Variants in ZNF329 observed in about 807,000 individuals in gnomAD.
ZNF329 encodes the protein zinc finger protein 329.
ZNF329 carries 15 observed loss-of-function variants against 26.6 expected under a neutral mutation model. The observed-to-expected ratio is 0.56, with a 90% confidence interval of 0.38 to 0.87. The LOEUF (loss-of-function observed/expected upper bound fraction) is 0.87, where lower values mean the gene tolerates loss of function less well. ZNF329 is among the 40% of genes least tolerant of loss of function. The probability of loss-of-function intolerance (pLI) is 0.00; values close to 1 mark genes in which losing one functional copy is unlikely to be tolerated. For missense variants in ZNF329, 651 were observed against 651.9 expected, an observed-to-expected ratio of 1.00 and a Z score of 0.02; for synonymous variants, 239 against 233.5, an observed-to-expected ratio of 1.02 and a Z score of -0.21.
At chr19:58,133,573 C>CAAA (rs550883483) in intron 3 of ZNF329, among the ~76,000 whole-genome samples, 10 of 130,958 alleles carry the variant, frequency 7.6e-5, no homozygotes, top group African/African-American at 2.8e-4. Flanking sequence ...GAGACTGTCT[C>CAAA]AAAAAAAAAA....
At chr19:58,129,557 C>T in intron 3 of ZNF329, 46 bp from the exon 4 acceptor site, 1 of 1,481,774 alleles carries the variant, frequency 6.7e-7, no homozygotes, top group East Asian at 2.3e-5. Context: ...GAAGCTTTAT[C>T]TGTAAGAGAA....
At chr19:58,130,438 C>T (rs924528150) in intron 3 of ZNF329, among the ~76,000 whole-genome samples, 9 of 151,530 alleles carry the variant, frequency 5.9e-5, no homozygotes, top group East Asian at 2.0e-4. Context: ...TTTGGGAGGC[C>T]GAGGTGGGCA....
intron 3 of ZNF329, among the ~76,000 whole-genome samples, chr19:58,130,312 GACTCCATCTCAAAA>G: frequency 6.6e-6 from 1 of 151,990 alleles, no homozygotes; most frequent in Non-Finnish European, 1.5e-5. Flanking sequence ...GGCAGAGTGA[GACTCCATCTCAAAA>G]AACAAAACAA....
intron 3 of ZNF329, among the ~76,000 whole-genome samples, chr19:58,142,156 T>C (rs1267788570): frequency 1.3e-5 from 2 of 152,182 alleles, no homozygotes; most frequent in African/African-American, 4.8e-5. Flanking sequence ...TGCAGGCTAT[T>C]TATATGAAAT....
At chr19:58,147,804 C>T (rs1254668128) in intron 1 of ZNF329, among the ~76,000 whole-genome samples, 1 of 146,694 alleles carries the variant, frequency 6.8e-6, no homozygotes, top group South Asian at 2.1e-4. Flanking sequence ...CCAGCCGCCC[C>T]GTCCGGGAGG....
At chr19:58,154,578 C>T (rs974798041), upstream of ZNF329, among the ~76,000 whole-genome samples, 2 of 152,340 alleles carry the variant, frequency 1.3e-5, no homozygotes, top group Middle Eastern at 3.4e-3. Flanking sequence ...TTCCCCAGGG[C>T]TCACATTCCA....
At chr19:58,152,075 C>T (rs2075465218), upstream of ZNF329, among the ~76,000 whole-genome samples, 3 of 152,114 alleles carry the variant, frequency 2.0e-5, no homozygotes, top group Admixed American at 2.0e-4. Flanking sequence ...AATTGTCACT[C>T]ACAATAGTGA....
chr19:58,142,544 C>G lies in ZNF329; in HGVS notation c.-9+13G>C, dbSNP rs1385206368. On this transcript the variant is annotated intron_variant, in intron 3 of 3. Transcript: ENST00000598312. ...TGCTGAGCTCATGTAGACTTCCATTCCCTGGTACTCACCTCTGAAAGGCAG... is the reference window on the plus strand; with the variant it reads ...TGCTGAGCTCATGTAGACTTCCATTGCCTGGTACTCACCTCTGAAAGGCAG... 6.6e-6 allele frequency: 1 copy of G among 152,622 alleles called. No individual in the cohort carries two copies. Among genetic ancestry groups the G allele is most frequent in the East Asian group, 1.9e-4 (1 of 5,190 alleles). 9.5% of individuals were successfully genotyped at this position (152,622 alleles called of 1,614,324 possible).
At chr19:58,133,064 A>G (rs996258318) in intron 3 of ZNF329, among the ~76,000 whole-genome samples, 27 of 152,170 alleles carry the variant, frequency 1.8e-4, no homozygotes, top group Non-Finnish European at 3.1e-4. Flanking sequence ...CGCCCGCCTC[A>G]GCCTCCCAGA....
At chr19:58,151,376 G>T (rs1451407170), upstream of ZNF329, among the ~76,000 whole-genome samples, 1 of 152,036 alleles carries the variant, frequency 6.6e-6, no homozygotes, top group Non-Finnish European at 1.5e-5. Context: ...AAACGGACTG[G>T]GCTCACCTAA....
At chr19:58,137,568 C>T (rs1442032038) in intron 3 of ZNF329, among the ~76,000 whole-genome samples, 1 of 150,362 alleles carries the variant, frequency 6.7e-6, no homozygotes, top group African/African-American at 2.4e-5. Flanking sequence ...AAAAAAAAAT[C>T]GCAGCAGAAA....
chr19:58,145,831 C>A (rs1197180074), intron 1 of ZNF329, among the ~76,000 whole-genome samples: 4 of 151,966 alleles, frequency 2.6e-5, no homozygotes, highest in African/African-American at 9.7e-5. Flanking sequence ...CTGATCACCA[C>A]CAGCCTCACA....
chr19:58,130,027 G>A (rs1050175719), intron 3 of ZNF329, among the ~76,000 whole-genome samples: 4 of 152,206 alleles, frequency 2.6e-5, no homozygotes, highest in African/African-American at 9.6e-5. Context: ...TCTTAGAACT[G>A]TCAATGACCT....
intron 3 of ZNF329, among the ~76,000 whole-genome samples, chr19:58,133,114 T>C (rs924919810): frequency 6.6e-6 from 1 of 152,144 alleles, no homozygotes; most frequent in Non-Finnish European, 1.5e-5. Flanking sequence ...GCCTGGCCAA[T>C]AGATGGTCTT....
chr19:58,137,944 A>T (rs139042268), intron 3 of ZNF329, among the ~76,000 whole-genome samples: 5 of 152,072 alleles, frequency 3.3e-5, no homozygotes, highest in Non-Finnish European at 5.9e-5. Context: ...GTGCCACTTC[A>T]CTCCAGCCTA....
upstream of ZNF329, among the ~76,000 whole-genome samples, chr19:58,151,621 A>G (rs1294068879): frequency 6.6e-6 from 1 of 151,670 alleles, no homozygotes; most frequent in Non-Finnish European, 1.5e-5. Flanking sequence ...AAAAAAAAAA[A>G]GGACTAACTT....
chr19:58,128,437 G>C lies in ZNF329; in HGVS notation c.1067C>G (p.Ser356Trp). ...SKCGKAFRDG[S>W]YLTQHERTHT... ...AGTCCTCTCATGCTGGGTGAGGTAC[G>C]AGCCGTCCCGGAAAGCCTTTCCACA... The change falls in exon 4 of 4, where the codon TCG becomes TGG. Residue 356 changes from serine to tryptophan, a missense_variant. Ser to Trp is a radical substitution (Grantham distance 177). Coordinates refer to ENST00000598312, the MANE Select transcript of ZNF329 (RefSeq NM_024620.4). The C allele has an allele frequency of 6.2e-7, 1 of 1,613,758 alleles. No homozygotes were observed. Among genetic ancestry groups the C allele is most frequent in the Non-Finnish European group, 8.5e-7 (1 of 1,179,810 alleles).
chr19:58,140,085 T>C (rs983718878), intron 3 of ZNF329, among the ~76,000 whole-genome samples: 2 of 152,122 alleles, frequency 1.3e-5, no homozygotes, highest in African/African-American at 4.8e-5. Flanking sequence ...ATCCCTACTG[T>C]GGTGGTGCTG....
rs2074821292 is a variant in ZNF329 at position 58,127,206 on chromosome 19, T to TA, written c.*671dup. On this transcript the variant is annotated 3_prime_UTR_variant, in exon 4 of 4. Coordinates refer to ENST00000598312, the MANE Select transcript of ZNF329 (RefSeq NM_024620.4). The stretch of plus-strand genomic sequence containing the variant: ...CAAAGCCTCTCTTTCTGATTACACT[T>TA]AAAAAAGGTTGATTCAGGCCAGGCA... The TA allele has an allele frequency of 6.6e-6, 1 of 152,254 alleles. No individual in the cohort carries two copies. Among genetic ancestry groups the TA allele is most frequent in the Non-Finnish European group, 1.5e-5 (1 of 68,052 alleles). 9.4% of individuals were successfully genotyped at this position (152,254 alleles called of 1,614,324 possible).
Sources: allele counts gnomAD v4.1 joint callset (sites outside exome capture counted in the v4.1 genomes callset), GRCh38; gene constraint gnomAD v4.1.1; transcripts MANE v1.5; gene names NCBI Gene and HGNC (gene_info 2026-07-23, HGNC 2026-07-21).